The following CCDC171 variants were observed in gnomAD, a reference collection of about 807,000 sequenced individuals.
CCDC171 encodes the protein coiled-coil domain containing 171.
Under a neutral mutation model 168.2 loss-of-function variants are expected in CCDC171, and 177 were observed. The ratio of observed to expected loss-of-function variants is 1.05; its 90% CI spans 0.93 to 1.19. The LOEUF (loss-of-function observed/expected upper bound fraction) is 1.19. CCDC171 is among the 50% of genes most tolerant of loss of function. The pLI is 0.00. For synonymous variants in CCDC171, 687 were observed against 540.8 expected, an observed-to-expected ratio of 1.27 and a Z score of -3.75; for missense variants, 1,991 against 1,539.0, an observed-to-expected ratio of 1.29 and a Z score of -4.91.
intron 25 of CCDC171, among the ~76,000 whole-genome samples, chr9:15,938,812 G>T: frequency 6.6e-6 from 1 of 151,726 alleles, no homozygotes; most frequent in Non-Finnish European, 1.5e-5. Flanking sequence ...GGCCAGCTAA[G>T]GTTACAGGAC....
chr9:16,103,159 C>G, the CCDC171 span, among the ~76,000 whole-genome samples: 2 of 152,172 alleles, frequency 1.3e-5, no homozygotes, highest in African/African-American at 4.8e-5. Flanking sequence ...ATCCAAAGAG[C>G]TGTGCAATCC....
intron 10 of CCDC171, among the ~76,000 whole-genome samples, chr9:15,686,469 C>T (rs182268703): frequency 6.6e-5 from 10 of 151,588 alleles, no homozygotes; most frequent in Admixed American, 3.3e-4. Context: ...GAGCCGAGAT[C>T]GCGCCACTGC....
At chr9:15,932,780 T>C (rs1470109527) in intron 25 of CCDC171, among the ~76,000 whole-genome samples, 2 of 152,002 alleles carry the variant, frequency 1.3e-5, no homozygotes, top group Non-Finnish European at 2.9e-5. Context: ...ACATACCTTC[T>C]ATTCCTCACT....
the CCDC171 span, among the ~76,000 whole-genome samples, chr9:16,067,662 GT>G: frequency 6.6e-6 from 1 of 152,156 alleles, no homozygotes; most frequent in African/African-American, 2.4e-5. Flanking sequence ...AAGGGATCCA[GT>G]TTCAGCTTTC....
chr9:16,091,459 G>A, the CCDC171 span, among the ~76,000 whole-genome samples: 6 of 152,340 alleles, frequency 3.9e-5, no homozygotes, highest in African/African-American at 1.4e-4. Context: ...TGGGAAATCT[G>A]ACTCAGGAGT....
At chr9:15,785,527 G>T (rs1484244722) in intron 21 of CCDC171, among the ~76,000 whole-genome samples, 1 of 151,748 alleles carries the variant, frequency 6.6e-6, no homozygotes, top group Non-Finnish European at 1.5e-5. Flanking sequence ...CAGGCACTAT[G>T]CTAACTACTT....
intron 8 of CCDC171, among the ~76,000 whole-genome samples, chr9:15,662,462 A>T (rs1034771866): frequency 6.6e-6 from 1 of 152,016 alleles, no homozygotes; most frequent in Non-Finnish European, 1.5e-5. Flanking sequence ...CATTCCTGTG[A>T]CGCTTGCCTC....
intron 10 of CCDC171, among the ~76,000 whole-genome samples, chr9:15,680,111 G>C (rs2049938506): frequency 6.6e-6 from 1 of 152,096 alleles, no homozygotes. Flanking sequence ...ACCGAAATTT[G>C]ATGTGTATTA....
At chr9:16,040,928 C>G (rs1017993512), upstream of CCDC171, among the ~76,000 whole-genome samples, 1 of 151,672 alleles carries the variant, frequency 6.6e-6, no homozygotes, top group African/African-American at 2.4e-5. Flanking sequence ...TTCTACAGTT[C>G]CCTTGCTTTA....
intron 1 of CCDC171, among the ~76,000 whole-genome samples, chr9:16,054,544 C>G (rs1174114173): frequency 6.6e-6 from 1 of 152,186 alleles, no homozygotes; most frequent in Non-Finnish European, 1.5e-5. Flanking sequence ...CCACTAGGAC[C>G]TGGAGATTCC....
chr9:15,848,948 G>GTACTGTTAT lies in CCDC171; in HGVS notation c.3468+3_3468+11dup. On this transcript the variant is annotated splice_donor_variant, in intron 23 of 25. Transcript: ENST00000380701. LOFTEE classifies it high-confidence loss of function. The stretch of plus-strand genomic sequence containing the variant: ...AGCAGTAGAAAATACGCTTCACAAG[G>GTACTGTTAT]TACTGTTATTTTTCTTTAATATTGT... The GTACTGTTAT allele has an allele frequency of 6.6e-7, 1 of 1,508,964 alleles. No homozygotes were observed. The highest frequency in any genetic ancestry group is 9.0e-7 in the Non-Finnish European group (1 of 1,112,856). 93.5% of individuals were successfully genotyped at this position (1,508,964 alleles called of 1,614,324 possible). A position where few individuals can be genotyped will look rare whatever the true frequency, so the allele number is the denominator to read the frequency against.
rs143875575 is a variant in CCDC171, at chr9:15,578,898, A to T, written c.227A>T (p.Lys76Met). 94 of 1,613,278 alleles carry T rather than the reference A, an allele frequency of 5.8e-5. No homozygotes were observed. Among genetic ancestry groups the T allele is most frequent in the Admixed American group, 1.0e-4 (6 of 59,890 alleles). The change falls in exon 4 of 26, where the codon AAG (lysine) becomes ATG (methionine). Residue 76 changes from lysine to methionine, a missense_variant. Physicochemically the swap from Lys to Met is moderately conservative, Grantham distance 95. Coordinates refer to ENST00000380701, the MANE Select transcript of CCDC171 (RefSeq NM_173550.4). ...GCCAAGCTACGGTCCGAGGTTGAAA[A>T]GGGAGAAGCATTGCGACAAAGTCTG... The part of the protein sequence containing the change: ...QIAKLRSEVE[K>M]GEALRQSLEY...
At chr9:15,904,531 A>C (rs1822220614) in intron 24 of CCDC171, among the ~76,000 whole-genome samples, 1 of 151,952 alleles carries the variant, frequency 6.6e-6, no homozygotes, top group Non-Finnish European at 1.5e-5. Context: ...AGCACTAAAC[A>C]TGGAAAGGGA....
intron 21 of CCDC171, among the ~76,000 whole-genome samples, chr9:15,820,794 A>C (rs570280080): frequency 2.6e-5 from 3 of 117,146 alleles, no homozygotes; most frequent in Non-Finnish European, 3.8e-5. Context: ...TGAAACTATT[A>C]CAATTAATGG....
At chr9:15,583,946 CA>C (rs1404642217) in intron 4 of CCDC171, among the ~76,000 whole-genome samples, 1 of 152,178 alleles carries the variant, frequency 6.6e-6, no homozygotes, top group Non-Finnish European at 1.5e-5. Context: ...CGGCTCACTG[CA>C]ACCACCGCCT....
chr9:15,990,649 A>G (rs1376348380), intron 3 of CCDC171, among the ~76,000 whole-genome samples: 1 of 152,246 alleles, frequency 6.6e-6, no homozygotes, highest in Non-Finnish European at 1.5e-5. Context: ...TAAAGCGTCA[A>G]GACCCATCAG....
chr9:15,958,593 G>A (rs1259728170), intron 25 of CCDC171, among the ~76,000 whole-genome samples: 6 of 148,638 alleles, frequency 4.0e-5, no homozygotes, highest in African/African-American at 1.5e-4. Flanking sequence ...AAAAGTTTGG[G>A]GTAAAGGTGA....
intron 21 of CCDC171, among the ~76,000 whole-genome samples, chr9:15,840,788 T>G (rs2060646210): frequency 6.6e-6 from 1 of 152,022 alleles, no homozygotes; most frequent in Non-Finnish European, 1.5e-5. Flanking sequence ...TTTTTTTTTG[T>G]CATTTAAAAT....
chr9:15,859,951 GC>G (rs1161334353), intron 23 of CCDC171, among the ~76,000 whole-genome samples: 6 of 151,380 alleles, frequency 4.0e-5, no homozygotes, highest in Non-Finnish European at 7.4e-5. Context: ...ATAGGTATAA[GC>G]CACCACACCC....
Sources: gnomAD v4.1 joint callset for allele counts (sites outside exome capture counted in the v4.1 genomes callset) on GRCh38, gnomAD v4.1.1 for gene constraint, MANE v1.5 for transcripts, NCBI Gene and HGNC (gene_info 2026-07-23, HGNC 2026-07-21) for gene names.